Variants in RANBP2 observed in about 807,000 individuals in gnomAD.
RANBP2 encodes the protein RAN binding protein 2, also known as E3 SUMO-protein ligase RanBP2.
A neutral mutation model predicts 303.6 loss-of-function variants in RANBP2; 57 were observed. The observed-to-expected ratio is 0.19, with a 90% CI of 0.15 to 0.23. The LOEUF (loss-of-function observed/expected upper bound fraction) is 0.23. RANBP2 is among the 10% of genes least tolerant of loss of function. The pLI, the probability that RANBP2 is intolerant of heterozygous loss-of-function variation, is 1.00. For synonymous variants in RANBP2, 1,167 were observed against 1,301.5 expected, an observed-to-expected ratio of 0.90 and a Z score of 2.23; for missense variants, 3,138 against 3,780.8, an observed-to-expected ratio of 0.83 and a Z score of 4.46.
chr2:109,376,407 T>A, the RANBP2 span, among the ~76,000 whole-genome samples: 1 of 152,196 alleles, frequency 6.6e-6, no homozygotes, highest in Admixed American at 6.5e-5. Flanking sequence ...ACAGGCTGCC[T>A]CTGGCTGCTC....
chr2:109,393,139 G>C, the RANBP2 span, among the ~76,000 whole-genome samples: 4 of 152,216 alleles, frequency 2.6e-5, no homozygotes, highest in South Asian at 8.3e-4. Flanking sequence ...TTCTTCATCT[G>C]CTCCTGAGTT....
At chr2:109,662,917 G>T in the RANBP2 span, among the ~76,000 whole-genome samples, 1 of 152,178 alleles carries the variant, frequency 6.6e-6, no homozygotes, top group Non-Finnish European at 1.5e-5. Context: ...CTCAAGCAGA[G>T]CATCTGTACT....
chr2:109,208,624 C>T, the RANBP2 span, among the ~76,000 whole-genome samples: 1 of 152,212 alleles, frequency 6.6e-6, no homozygotes, highest in Non-Finnish European at 1.5e-5. Flanking sequence ...AGTCATTTGA[C>T]TTTACTGTTT....
rs1470022292 is a variant in RANBP2, at chr2:108,743,867, T to C, written c.976-2844T>C. ...TTAACTACCACATATTTCTGTAGAA[T>C]GAATATATAATAGAAACATCTTAGA... On this transcript the variant is annotated intron_variant, in intron 7 of 28. Coordinates refer to ENST00000283195, the MANE Select transcript of RANBP2 (RefSeq NM_006267.5). 5.6e-4 allele frequency among the ~76,000 whole-genome samples: 85 copies of C among 152,264 alleles called. 1 individual carries two copies. The highest frequency in any genetic ancestry group is 1.5e-5 in the Non-Finnish European group (1 of 68,050).
At chr2:109,083,135 T>C in the RANBP2 span, among the ~76,000 whole-genome samples, 1 of 152,050 alleles carries the variant, frequency 6.6e-6, no homozygotes, top group Non-Finnish European at 1.5e-5. Flanking sequence ...CAAGACCCCA[T>C]CTCTTAAAGA....
the RANBP2 span, among the ~76,000 whole-genome samples, chr2:109,630,528 C>T: frequency 1.3e-5 from 2 of 152,322 alleles, no homozygotes; most frequent in East Asian, 1.9e-4. Flanking sequence ...ATGGCCTGAC[C>T]CTTCCCTGAC....
the RANBP2 span, among the ~76,000 whole-genome samples, chr2:108,874,514 T>G: frequency 1.3e-5 from 2 of 152,218 alleles, no homozygotes; most frequent in Admixed American, 6.5e-5. Flanking sequence ...GTAACATTTT[T>G]ATTTTGATTT....
At chr2:109,711,130 T>C in the RANBP2 span, among the ~76,000 whole-genome samples, 1 of 152,008 alleles carries the variant, frequency 6.6e-6, no homozygotes, top group Non-Finnish European at 1.5e-5. Flanking sequence ...CTCAGGGACA[T>C]CTGAAAGGCA....
the RANBP2 span, among the ~76,000 whole-genome samples, chr2:108,940,733 C>T: frequency 6.6e-6 from 1 of 152,244 alleles, no homozygotes; most frequent in Non-Finnish European, 1.5e-5. Flanking sequence ...ACGGGGCAGG[C>T]TTCCAGGGGC....
At chr2:108,788,033 A>G (rs776801860), downstream of RANBP2, 48 of 1,535,694 alleles carry the variant, frequency 3.1e-5, 1 homozygote, top group South Asian at 3.2e-4. Flanking sequence ...TTTTTTTAGT[A>G]TGATTTTTCA....
the RANBP2 span, among the ~76,000 whole-genome samples, chr2:109,650,813 C>A: frequency 6.6e-6 from 1 of 152,206 alleles, no homozygotes; most frequent in Admixed American, 6.5e-5. Context: ...GCCTCCCAGC[C>A]ATGTGGACCT....
At chr2:109,652,233 T>C in the RANBP2 span, among the ~76,000 whole-genome samples, 1 of 151,928 alleles carries the variant, frequency 6.6e-6, no homozygotes, top group Non-Finnish European at 1.5e-5. Context: ...GTTTGTTTTT[T>C]TTTTTTTGAG....
At chr2:108,841,539 A>G in the RANBP2 span, among the ~76,000 whole-genome samples, 1 of 152,070 alleles carries the variant, frequency 6.6e-6, no homozygotes, top group African/African-American at 2.4e-5. Context: ...TGAAATCTCT[A>G]TCTGATACTA....
the RANBP2 span, among the ~76,000 whole-genome samples, chr2:109,020,041 C>A: frequency 1.8e-4 from 28 of 152,314 alleles, no homozygotes; most frequent in African/African-American, 5.8e-4. Flanking sequence ...GGGAACAACT[C>A]TGTTTGAACA....
the RANBP2 span, chr2:108,812,610 C>A: frequency 1.9e-6 from 3 of 1,583,686 alleles, no homozygotes; most frequent in South Asian, 1.1e-5. Flanking sequence ...ATTGAAATAT[C>A]TAACTTTTTC....
the RANBP2 span, among the ~76,000 whole-genome samples, chr2:109,119,737 G>C: frequency 6.6e-6 from 1 of 152,126 alleles, no homozygotes; most frequent in Non-Finnish European, 1.5e-5. Flanking sequence ...TTCTTTTGAA[G>C]ACTGCAAAAG....
At chr2:109,514,182 A>T in the RANBP2 span, among the ~76,000 whole-genome samples, 1 of 152,226 alleles carries the variant, frequency 6.6e-6, no homozygotes, top group Admixed American at 6.5e-5. Flanking sequence ...TAGCCGGGCC[A>T]GATTCTGAGC....
At chr2:108,918,889 C>G in the RANBP2 span, among the ~76,000 whole-genome samples, 1 of 152,188 alleles carries the variant, frequency 6.6e-6, no homozygotes, top group Non-Finnish European at 1.5e-5. Flanking sequence ...GAGCTGTCAA[C>G]AAGGGGTCCC....
the RANBP2 span, chr2:108,846,804 G>A: frequency 6.2e-7 from 1 of 1,612,604 alleles, no homozygotes; most frequent in Non-Finnish European, 8.5e-7. Flanking sequence ...GGTAACTAAA[G>A]GAATTCAGGA....
Sources: allele counts gnomAD v4.1 joint callset (sites outside exome capture counted in the v4.1 genomes callset), GRCh38; gene constraint gnomAD v4.1.1; transcripts MANE v1.5; gene names NCBI Gene and HGNC (gene_info 2026-07-23, HGNC 2026-07-21).